The following SLC24A2 variants were observed in gnomAD, a reference collection of about 807,000 sequenced individuals.
SLC24A2 encodes solute carrier family 24 member 2.
Under a neutral mutation model 62.0 loss-of-function variants are expected in SLC24A2, and 36 were observed. The ratio of observed to expected loss-of-function variants is 0.58; its 90% CI spans 0.44 to 0.77. The LOEUF (loss-of-function observed/expected upper bound fraction) is 0.77. Ranked by LOEUF, SLC24A2 falls within the 30% of genes least tolerant of loss-of-function variation. The probability of loss-of-function intolerance (pLI) is 0.00; values close to 1 mark genes in which losing one functional copy is unlikely to be tolerated. For synonymous variants in SLC24A2, 358 were observed against 294.0 expected (o/e 1.22, Z -2.23); for missense variants, 846 against 817.9 (o/e 1.03, Z -0.42).
the SLC24A2 span, among the ~76,000 whole-genome samples, chr9:20,261,423 T>C: frequency 6.6e-6 from 1 of 152,138 alleles, no homozygotes; most frequent in Non-Finnish European, 1.5e-5. Context: ...AGCAAGCATG[T>C]GTAAAAAGAA....
At chr9:19,911,568 T>G in the SLC24A2 span, among the ~76,000 whole-genome samples, 1 of 152,170 alleles carries the variant, frequency 6.6e-6, no homozygotes, top group African/African-American at 2.4e-5. Context: ...GAATCAGGCA[T>G]CAGATAAGCC....
the SLC24A2 span, among the ~76,000 whole-genome samples, chr9:19,984,813 G>A: frequency 6.6e-6 from 1 of 152,246 alleles, no homozygotes; most frequent in East Asian, 1.9e-4. Context: ...ATGGTCCTGG[G>A]ACAACTGGAT....
At chr9:20,042,922 T>A in the SLC24A2 span, among the ~76,000 whole-genome samples, 3 of 152,238 alleles carry the variant, frequency 2.0e-5, no homozygotes, top group Non-Finnish European at 4.4e-5. Context: ...AAAACTTAAT[T>A]GATAAATGTT....
At chr9:20,297,818 C>T in the SLC24A2 span, among the ~76,000 whole-genome samples, 13 of 152,234 alleles carry the variant, frequency 8.5e-5, no homozygotes, top group Admixed American at 7.2e-4. Flanking sequence ...CTCCCAGGGA[C>T]GGAACATCCT....
At chr9:19,925,331 A>T in the SLC24A2 span, among the ~76,000 whole-genome samples, 2 of 152,232 alleles carry the variant, frequency 1.3e-5, no homozygotes, top group African/African-American at 4.8e-5. Flanking sequence ...ATAGGCACAG[A>T]CAAAAAGGAA....
At chr9:20,195,202 G>T in the SLC24A2 span, among the ~76,000 whole-genome samples, 2 of 152,026 alleles carry the variant, frequency 1.3e-5, no homozygotes, top group Non-Finnish European at 1.5e-5. Context: ...ATTGTTTCCA[G>T]TTAGGGGAAA....
At chr9:19,913,599 T>G in the SLC24A2 span, among the ~76,000 whole-genome samples, 1 of 152,034 alleles carries the variant, frequency 6.6e-6, no homozygotes, top group Admixed American at 6.6e-5. Context: ...AGAGATGGAG[T>G]AGGTGGCTGC....
At chr9:19,855,224 G>T in the SLC24A2 span, among the ~76,000 whole-genome samples, 2 of 152,090 alleles carry the variant, frequency 1.3e-5, no homozygotes, top group Non-Finnish European at 2.9e-5. Context: ...GCGCACTGAT[G>T]GGTCTTGACT....
At chr9:20,179,703 A>G in the SLC24A2 span, among the ~76,000 whole-genome samples, 1 of 152,214 alleles carries the variant, frequency 6.6e-6, no homozygotes, top group South Asian at 2.1e-4. Flanking sequence ...TAACATTTAA[A>G]TTGACTAGAA....
At chr9:19,946,497 C>T in the SLC24A2 span, among the ~76,000 whole-genome samples, 4 of 152,146 alleles carry the variant, frequency 2.6e-5, no homozygotes, top group African/African-American at 9.7e-5. Flanking sequence ...GCTTTAAAGA[C>T]GAATGAAAGC....
the SLC24A2 span, among the ~76,000 whole-genome samples, chr9:20,037,594 C>G: frequency 2.0e-5 from 3 of 152,140 alleles, no homozygotes; most frequent in African/African-American, 7.2e-5. Context: ...GGTCCTAGGG[C>G]AAGGGTAAGT....
At chr9:20,258,825 C>CT in the SLC24A2 span, among the ~76,000 whole-genome samples, 119 of 142,108 alleles carry the variant, frequency 8.4e-4, no homozygotes, top group Middle Eastern at 0.011. Flanking sequence ...CCTTATCTAT[C>CT]TATCTATCTG....
At chr9:19,757,951 TC>T (rs986710782) in intron 2 of SLC24A2, among the ~76,000 whole-genome samples, 2 of 152,124 alleles carry the variant, frequency 1.3e-5, no homozygotes, top group Non-Finnish European at 2.9e-5. Flanking sequence ...CATGTCCACT[TC>T]CCCTTTTACC....
chr9:19,545,915 C>A (rs1586931912), intron 8 of SLC24A2, among the ~76,000 whole-genome samples: 1 of 152,162 alleles, frequency 6.6e-6, no homozygotes. Flanking sequence ...GGGATTACAG[C>A]CGTGAGCCAC....
the SLC24A2 span, among the ~76,000 whole-genome samples, chr9:20,010,286 G>A: frequency 6.6e-6 from 1 of 152,184 alleles, no homozygotes; most frequent in Non-Finnish European, 1.5e-5. Context: ...AAAGCCAGGA[G>A]AGGTGGCCTT....
chr9:20,289,252 T>C, the SLC24A2 span, among the ~76,000 whole-genome samples: 99 of 152,120 alleles, frequency 6.5e-4, no homozygotes, highest in Non-Finnish European at 8.7e-4. Flanking sequence ...CACAGAAACA[T>C]GGTAACAGTT....
intron 5 of SLC24A2, among the ~76,000 whole-genome samples, chr9:19,593,311 C>T (rs540403392): frequency 6.6e-6 from 1 of 152,276 alleles, no homozygotes; most frequent in East Asian, 1.9e-4. Flanking sequence ...GCACCTGGTA[C>T]ATACTGGCTA....
At chr9:20,084,556 T>A in the SLC24A2 span, among the ~76,000 whole-genome samples, 1 of 142,648 alleles carries the variant, frequency 7.0e-6, no homozygotes, top group Non-Finnish European at 1.5e-5. Context: ...TATTAAACAT[T>A]CACCATATCC....
intron 2 of SLC24A2, among the ~76,000 whole-genome samples, chr9:19,753,539 T>C (rs184543654): frequency 1.3e-4 from 20 of 152,320 alleles, no homozygotes; most frequent in African/African-American, 4.1e-4. Context: ...CTTCCTTTAG[T>C]GTTGCATTCA....
Sources: gnomAD v4.1 joint callset for allele counts (sites outside exome capture counted in the v4.1 genomes callset) on GRCh38, gnomAD v4.1.1 for gene constraint, MANE v1.5 for transcripts, NCBI Gene and HGNC (gene_info 2026-07-23, HGNC 2026-07-21) for gene names.